Variants in ONECUT2 observed in about 807,000 individuals in gnomAD.
ONECUT2 encodes one cut domain family member 2.
In ONECUT2, 10 loss-of-function variants were observed where a neutral mutation model predicts 27.9. The observed-to-expected ratio is 0.36, with a 90% CI of 0.22 to 0.61. ONECUT2 has a LOEUF of 0.61. ONECUT2 is among the 20% of genes least tolerant of loss of function. ONECUT2 has a pLI of 0.73. For missense variants in ONECUT2, 686 were observed against 721.0 expected, an observed-to-expected ratio of 0.95 and a Z score of 0.56; for synonymous variants, 334 against 315.1, an observed-to-expected ratio of 1.06 and a Z score of -0.64.
At chr18:57,455,085 T>G (rs2050251772) in intron 1 of ONECUT2, among the ~76,000 whole-genome samples, 1 of 152,078 alleles carries the variant, frequency 6.6e-6, no homozygotes, top group Non-Finnish European at 1.5e-5. Context: ...GTCATGAGAT[T>G]TAAAATGCTA....
intron 1 of ONECUT2, among the ~76,000 whole-genome samples, chr18:57,461,647 T>A (rs984523281): frequency 6.6e-6 from 1 of 152,194 alleles, no homozygotes; most frequent in Non-Finnish European, 1.5e-5. Context: ...GCTGAGTAAC[T>A]CTGTGAAACT....
At chr18:57,471,523 G>T (rs904822601) in intron 1 of ONECUT2, among the ~76,000 whole-genome samples, 2 of 152,196 alleles carry the variant, frequency 1.3e-5, no homozygotes, top group African/African-American at 4.8e-5. Flanking sequence ...GAAGCAAGTT[G>T]GTGTCTGAAG....
chr18:57,439,662 C>T (rs889316584), intron 1 of ONECUT2, among the ~76,000 whole-genome samples: 1 of 152,124 alleles, frequency 6.6e-6, no homozygotes, highest in Non-Finnish European at 1.5e-5. Context: ...CCCGGAGTAT[C>T]GATCGGAATC....
At position 57,479,671 on chromosome 18, in the gene ONECUT2, T is replaced by C. The variant is rs1357768001; in HGVS notation, c.*2948T>C. 3.3e-5 allele frequency: 5 copies of C among 152,566 alleles called. No individual in the cohort carries two copies. The highest frequency in any genetic ancestry group is 5.9e-5 in the Non-Finnish European group (4 of 68,030). The allele number at this position is 152,566 out of a possible 1,614,324, so 9.5% of individuals were successfully genotyped here. ...TTCTATCCCTCAGCCTCGATTAAGGTGGTGAGTGAAGTGCATCCAACAGAC... is the reference window on the plus strand; with the variant it reads ...TTCTATCCCTCAGCCTCGATTAAGGCGGTGAGTGAAGTGCATCCAACAGAC... On this transcript the variant is annotated 3_prime_UTR_variant, in exon 2 of 2. Coordinates refer to ENST00000491143, the MANE Select transcript of ONECUT2 (RefSeq NM_004852.3).
chr18:57,449,554 A>G (rs2050218708), intron 1 of ONECUT2, among the ~76,000 whole-genome samples: 1 of 152,208 alleles, frequency 6.6e-6, no homozygotes, highest in Admixed American at 6.5e-5. Context: ...TCTTATCCAA[A>G]TCTTCAGATT....
At position 57,435,478 on chromosome 18, in the gene ONECUT2, T is replaced by C. The variant is rs2050132325; in HGVS notation, c.-239T>C. On this transcript the variant is annotated 5_prime_UTR_variant, in exon 1 of 2. The change abolishes the stop of an existing upstream ORF in the 5' untranslated region. Transcript: ENST00000491143. Reference sequence around the variant, plus strand: ...AGCCGGCCCGAGCGGCGGGGCCCGGTGATCCCTCCCTCCCTCCCCGTCCCC... The same window carrying C: ...AGCCGGCCCGAGCGGCGGGGCCCGGCGATCCCTCCCTCCCTCCCCGTCCCC... 7.1e-6 allele frequency among the ~76,000 whole-genome samples: 1 copy of C among 141,674 alleles called. No individual in the cohort carries two copies. Among genetic ancestry groups the C allele is most frequent in the African/African-American group, 2.7e-5 (1 of 37,578 alleles). The allele number at this position is 141,674 out of a possible 152,430, so 92.9% of individuals were successfully genotyped here.
rs769761027 is a variant in ONECUT2, at chr18:57,476,616, G to A, written c.1408G>A (p.Val470Ile). Residue 470 changes from valine to isoleucine, a missense_variant, in exon 2 of 2, where the codon GTC becomes ATC. Physicochemically the swap from Val to Ile is conservative, Grantham distance 29. Around this residue, in one of 4 missense-constraint regions of ONECUT2, gnomAD observed 77 missense variants for 105.5 expected, o/e 0.73. Transcript: ENST00000491143. ...SQQLGLELTT[V>I]SNFFMNARRR... ...GCAGCTGGGCCTGGAGCTCACAACC[G>A]TCAGCAACTTCTTCATGAACGCCCG... 18 of 1,614,144 alleles carry A rather than the reference G, an allele frequency of 1.1e-5. No homozygotes were observed. The highest frequency in any genetic ancestry group is 5.0e-5 in the Admixed American group (3 of 60,016).
chr18:57,470,205 C>T (rs34268486), intron 1 of ONECUT2, among the ~76,000 whole-genome samples: 7,478 of 152,250 alleles, frequency 0.049, 671 homozygotes, highest in East Asian at 0.36. Flanking sequence ...GGGGCTGTCC[C>T]GTCCAAGATG....
chr18:57,467,201 C>T (rs558347226), intron 1 of ONECUT2: 39 of 456,452 alleles, frequency 8.5e-5, no homozygotes, highest in African/African-American at 1.8e-4. Context: ...GGTCGCTGTG[C>T]GGTCTGCCTC....
intron 1 of ONECUT2, among the ~76,000 whole-genome samples, chr18:57,475,802 G>A (rs1246586979): frequency 6.6e-6 from 1 of 151,962 alleles, no homozygotes; most frequent in African/African-American, 2.4e-5. Context: ...AATGAGAATT[G>A]GCTAAACCAA....
rs2050416547 is a variant in ONECUT2, at chr18:57,481,678, A to G, written c.*4955A>G. On this transcript the variant is annotated 3_prime_UTR_variant, in exon 2 of 2. Transcript: ENST00000491143. The stretch of plus-strand genomic sequence containing the variant: ...ATCATTACCAAAGTGTCATGACAGT[A>G]TGCCTTTGTAGTGAACTCGGATTTT... 6.6e-6 allele frequency: 1 copy of G among 152,174 alleles called. No individual in the cohort carries two copies. The highest frequency in any genetic ancestry group is 1.5e-5 in the Non-Finnish European group (1 of 68,032). 9.4% of individuals were successfully genotyped at this position (152,174 alleles called of 1,614,324 possible). A position where few individuals can be genotyped will look rare whatever the true frequency, so the allele number is the denominator to read the frequency against.
At chr18:57,465,878 G>C (rs76846696) in intron 1 of ONECUT2, among the ~76,000 whole-genome samples, 1 of 152,144 alleles carries the variant, frequency 6.6e-6, no homozygotes, top group African/African-American at 2.4e-5. Flanking sequence ...CAGCTTCCTT[G>C]TTGTGTGGCC....
At chr18:57,439,795 C>T (rs889276643) in intron 1 of ONECUT2, among the ~76,000 whole-genome samples, 2 of 152,226 alleles carry the variant, frequency 1.3e-5, no homozygotes, top group African/African-American at 4.8e-5. Flanking sequence ...TCCCTGCCCC[C>T]CTCCCGCCAA....
At position 57,435,518 on chromosome 18, in the gene ONECUT2, CG is replaced by C. The variant is rs1270387681; in HGVS notation, c.-198del. 7.0e-6 allele frequency among the ~76,000 whole-genome samples: 1 copy of C among 143,454 alleles called. No individual in the cohort carries two copies. The highest frequency in any genetic ancestry group is 2.1e-4 in the East Asian group (1 of 4,658). The allele number at this position is 143,454 out of a possible 152,430, so 94.1% of individuals were successfully genotyped here. On this transcript the variant is annotated 5_prime_UTR_variant, in exon 1 of 2. Coordinates refer to ENST00000491143, the MANE Select transcript of ONECUT2 (RefSeq NM_004852.3). ...TCCCCGTCCCCTCCCCTCTCCCGCACGCACGCCCCGTCCGCCCCCACCCCGC... is the reference window on the plus strand; with the variant it reads ...TCCCCGTCCCCTCCCCTCTCCCGCACCACGCCCCGTCCGCCCCCACCCCGC...
At position 57,436,223 on chromosome 18, in the gene ONECUT2, C is replaced by T. The variant is rs1404579857; in HGVS notation, c.507C>T (p.His169=). ...CCACCGTGTCTGACAAGTTCCACCA[C>T]CCTCACCCGCACCACCATCCGCACC... ...PISTVSDKFH[H]PHPHHHPHHH... is the part of the protein sequence containing the mutation. The change falls in exon 1 of 2, where the codon CAC becomes CAT. Residue 169 remains histidine, a synonymous_variant. Transcript: ENST00000491143. The surrounding 1 kb of genome is among the most constrained non-coding windows in gnomAD (Gnocchi z 5.9). The T allele has an allele frequency of 3.1e-6, 5 of 1,604,330 alleles. No individual in the cohort carries two copies. The Admixed American group carries it at 6.7e-5, about 22-fold the overall frequency.
chr18:57,473,579 CTG>C (rs1398867211), intron 1 of ONECUT2, among the ~76,000 whole-genome samples: 2 of 152,324 alleles, frequency 1.3e-5, no homozygotes, highest in South Asian at 2.1e-4. Context: ...ACATGCTCCT[CTG>C]AGACTGTAGA....
Position 57,436,411 on chromosome 18 carries a change from T to C in ONECUT2, c.695T>C (p.Leu232Pro). Residue 232 changes from leucine to proline, a missense_variant, in exon 1 of 2, where the codon CTG (leucine) becomes CCG (proline). Leu to Pro is a moderately conservative substitution (Grantham distance 98). Coordinates refer to ENST00000491143, the MANE Select transcript of ONECUT2 (RefSeq NM_004852.3). This position sits in a 1 kb window ranked among gnomAD's most constrained non-coding sequence, Gnocchi z 5.9. Reference protein sequence around the residue: ...QSLSPLAATPLGNGLGGLHNA... With the variant: ...QSLSPLAATPPGNGLGGLHNA... ...CTGTCCCCGCTGGCCGCCACGCCGC[T>C]GGGCAACGGGCTAGGCGGCCTCCAC... 3 of 1,611,472 alleles carry C rather than the reference T, an allele frequency of 1.9e-6. No homozygotes were observed. Among genetic ancestry groups the C allele is most frequent in the Non-Finnish European group, 2.5e-6 (3 of 1,179,838 alleles).
At chr18:57,460,983 C>A (rs183698581) in intron 1 of ONECUT2, among the ~76,000 whole-genome samples, 22 of 152,268 alleles carry the variant, frequency 1.4e-4, no homozygotes, top group African/African-American at 5.3e-4. Context: ...ACGCCTGGAC[C>A]CCAAATCTTT....
intron 1 of ONECUT2, among the ~76,000 whole-genome samples, chr18:57,466,789 A>G (rs1203087595): frequency 6.6e-6 from 1 of 152,230 alleles, no homozygotes; most frequent in Admixed American, 6.5e-5. Context: ...AGTGCTCTCT[A>G]AAATCCTGCC....
Sources: allele counts gnomAD v4.1 joint callset (sites outside exome capture counted in the v4.1 genomes callset), GRCh38; gene constraint gnomAD v4.1.1; regional missense constraint gnomAD v4.1.1; non-coding constraint Gnocchi (gnomAD v3.1); transcripts MANE v1.5; gene names NCBI Gene and HGNC (gene_info 2026-07-23, HGNC 2026-07-21).